FILIP1L: variants seen among roughly 807,000 people sequenced by gnomAD.
The protein encoded by FILIP1L is filamin A interacting protein 1 like, also known as filamin A-interacting protein 1-like.
In FILIP1L, 55 loss-of-function variants were observed where a neutral mutation model predicts 96.6. The observed-to-expected ratio is 0.57, with a 90% CI of 0.46 to 0.71. The LOEUF (loss-of-function observed/expected upper bound fraction) is 0.71, where lower values mean the gene tolerates loss of function less well. Among genes scored for constraint, FILIP1L ranks in the 30% least tolerant of loss-of-function variants. FILIP1L has a pLI of 0.00. For missense variants in FILIP1L, 1,304 were observed against 1,321.2 expected, an observed-to-expected ratio of 0.99 and a Z score of 0.20; for synonymous variants, 467 against 473.9, an observed-to-expected ratio of 0.99 and a Z score of 0.19.
At chr3:99,841,450 C>T (rs968320219) in intron 5 of FILIP1L, among the ~76,000 whole-genome samples, 1 of 152,178 alleles carries the variant, frequency 6.6e-6, no homozygotes, top group Non-Finnish European at 1.5e-5. Flanking sequence ...GGTCCTCTCT[C>T]GGAAGTCTCA....
At chr3:99,999,092 G>GT (rs1709769778) in intron 1 of FILIP1L, among the ~76,000 whole-genome samples, 1 of 152,158 alleles carries the variant, frequency 6.6e-6, no homozygotes, top group African/African-American at 2.4e-5. Flanking sequence ...ATATATCTCA[G>GT]TTACTGATTC....
At chr3:99,984,170 T>A (rs1429016435) in intron 1 of FILIP1L, among the ~76,000 whole-genome samples, 2 of 152,068 alleles carry the variant, frequency 1.3e-5, no homozygotes, top group Non-Finnish European at 2.9e-5. Flanking sequence ...TTAAGCAGAA[T>A]TTTTAAAAAG....
chr3:99,902,764 C>T (rs1351825569), intron 4 of FILIP1L, among the ~76,000 whole-genome samples: 1 of 152,010 alleles, frequency 6.6e-6, no homozygotes, highest in Non-Finnish European at 1.5e-5. Flanking sequence ...ATTCTAGTTG[C>T]CTGTCATGGA....
intron 1 of FILIP1L, among the ~76,000 whole-genome samples, chr3:99,935,116 A>G (rs1258338825): frequency 6.6e-6 from 1 of 152,130 alleles, no homozygotes; most frequent in Admixed American, 6.5e-5. Context: ...AAAGACATGA[A>G]TTTCATGATA....
chr3:99,939,010 C>T (rs1295692795), intron 1 of FILIP1L, among the ~76,000 whole-genome samples: 1 of 152,136 alleles, frequency 6.6e-6, no homozygotes, highest in Non-Finnish European at 1.5e-5. Flanking sequence ...ATCATTGAAA[C>T]ATTTTCTTAG....
At chr3:99,943,555 T>C (rs772036132) in intron 1 of FILIP1L, among the ~76,000 whole-genome samples, 28 of 152,018 alleles carry the variant, frequency 1.8e-4, no homozygotes, top group Non-Finnish European at 4.1e-4. Context: ...ATTACAAAAA[T>C]TAGCCGGGCG....
chr3:99,907,872 T>C (rs1280843954), intron 4 of FILIP1L, among the ~76,000 whole-genome samples: 2 of 152,198 alleles, frequency 1.3e-5, no homozygotes, highest in Non-Finnish European at 2.9e-5. Flanking sequence ...ACCTGAATGC[T>C]TTTCTCCTCC....
intron 4 of FILIP1L, among the ~76,000 whole-genome samples, chr3:99,899,141 T>A (rs185875552): frequency 1.3e-5 from 2 of 152,362 alleles, no homozygotes; most frequent in Non-Finnish European, 2.9e-5. Context: ...AGACTTAAAC[T>A]GGGAACTCAT....
At chr3:100,102,353 G>T (rs1022498301) in intron 1 of FILIP1L, among the ~76,000 whole-genome samples, 1 of 152,198 alleles carries the variant, frequency 6.6e-6, no homozygotes. Flanking sequence ...GTTTTGATTT[G>T]CATTTCTCGG....
chr3:99,904,102 A>C (rs895170206), intron 4 of FILIP1L, among the ~76,000 whole-genome samples: 4 of 152,198 alleles, frequency 2.6e-5, no homozygotes, highest in African/African-American at 9.6e-5. Flanking sequence ...TAAGCTGCCC[A>C]ATTTTCAGAC....
chr3:99,959,979 G>A (rs1302368900), intron 1 of FILIP1L, among the ~76,000 whole-genome samples: 2 of 152,106 alleles, frequency 1.3e-5, no homozygotes, highest in Non-Finnish European at 2.9e-5. Flanking sequence ...AAAAAGATGG[G>A]AGTTAGGCCT....
intron 1 of FILIP1L, among the ~76,000 whole-genome samples, chr3:100,100,295 G>C (rs2066282745): frequency 6.6e-6 from 1 of 152,128 alleles, no homozygotes; most frequent in Non-Finnish European, 1.5e-5. Flanking sequence ...TCTGTGAAAA[G>C]GGTAAAATGT....
intron 5 of FILIP1L, among the ~76,000 whole-genome samples, chr3:99,837,612 G>A (rs980179400): frequency 4.6e-5 from 7 of 152,204 alleles, no homozygotes; most frequent in African/African-American, 7.2e-5. Context: ...TACTTGGGAT[G>A]CTTCCTTGGT....
intron 4 of FILIP1L, among the ~76,000 whole-genome samples, chr3:99,873,351 T>C (rs929075676): frequency 1.3e-5 from 2 of 152,242 alleles, no homozygotes; most frequent in Non-Finnish European, 2.9e-5. Flanking sequence ...ATTAGATTTT[T>C]CAAAGATGAC....
intron 1 of FILIP1L, among the ~76,000 whole-genome samples, chr3:100,076,277 A>G (rs1167147916): frequency 1.3e-5 from 2 of 151,998 alleles, no homozygotes; most frequent in African/African-American, 4.8e-5. Flanking sequence ...CTGTAAATAT[A>G]TTTTTCCCTC....
intron 4 of FILIP1L, among the ~76,000 whole-genome samples, chr3:99,921,403 A>G (rs1707120397): frequency 6.6e-6 from 1 of 152,148 alleles, no homozygotes; most frequent in Non-Finnish European, 1.5e-5. Context: ...TGAGGCCTGC[A>G]GTCTCCCAGC....
At chr3:100,097,004 A>G in intron 1 of FILIP1L, among the ~76,000 whole-genome samples, 1 of 152,206 alleles carries the variant, frequency 6.6e-6, no homozygotes, top group Non-Finnish European at 1.5e-5. Flanking sequence ...GCCACAGATC[A>G]TACCACTCTG....
At chr3:100,010,764 G>A (rs183567822) in intron 1 of FILIP1L, among the ~76,000 whole-genome samples, 4 of 145,212 alleles carry the variant, frequency 2.8e-5, no homozygotes, top group East Asian at 2.0e-4. Flanking sequence ...ACAGGTGCGC[G>A]CCTCCACGCC....
intron 1 of FILIP1L, among the ~76,000 whole-genome samples, chr3:100,084,541 TAC>T (rs1396577207): frequency 1.7e-4 from 26 of 152,110 alleles, no homozygotes; most frequent in Non-Finnish European, 1.5e-5. Flanking sequence ...GGGAAAACAA[TAC>T]AGTGTTATGG....
Sources: allele counts gnomAD v4.1 joint callset (sites outside exome capture counted in the v4.1 genomes callset), GRCh38; gene constraint gnomAD v4.1.1; transcripts MANE v1.5; gene names NCBI Gene and HGNC (gene_info 2026-07-23, HGNC 2026-07-21).